OSBPL6: variants seen among roughly 807,000 people sequenced by gnomAD.
The protein encoded by OSBPL6 is oxysterol-binding protein-related protein 6.
A neutral mutation model predicts 125.8 loss-of-function variants in OSBPL6; 49 were observed. The ratio of observed to expected loss-of-function variants is 0.39; its 90% CI spans 0.31 to 0.49. The LOEUF is 0.49. OSBPL6 is among the 20% of genes least tolerant of loss of function. The probability of loss-of-function intolerance (pLI) is 0.88; values close to 1 mark genes in which losing one functional copy is unlikely to be tolerated. For synonymous variants in OSBPL6, 394 were observed against 391.8 expected, an observed-to-expected ratio of 1.01 and a Z score of -0.07; for missense variants, 986 against 1,135.4, an observed-to-expected ratio of 0.87 and a Z score of 1.89.
intron 1 of OSBPL6, among the ~76,000 whole-genome samples, chr2:178,203,749 T>C (rs948134784): frequency 2.6e-5 from 4 of 152,228 alleles, no homozygotes; most frequent in Non-Finnish European, 5.9e-5. Context: ...CTCTTTAAGG[T>C]CTTGGCTTTA....
intron 1 of OSBPL6, among the ~76,000 whole-genome samples, chr2:178,281,274 A>G (rs779360401): frequency 2.0e-4 from 30 of 152,048 alleles, no homozygotes; most frequent in Non-Finnish European, 2.4e-4. Context: ...CGGCCTCCCA[A>G]AGTGCTGGGA....
chr2:178,373,811 A>G, intron 14 of OSBPL6, 79 bp from the exon 15 acceptor site: 2 of 1,544,230 alleles, frequency 1.3e-6, no homozygotes, highest in Non-Finnish European at 1.8e-6. Context: ...ATTAAAGAGT[A>G]GAAATCTGGC....
At chr2:178,280,225 A>T (rs966856048) in intron 1 of OSBPL6, among the ~76,000 whole-genome samples, 1 of 152,178 alleles carries the variant, frequency 6.6e-6, no homozygotes. Context: ...AAAATTAAAT[A>T]AAATGAGGTT....
intron 3 of OSBPL6, among the ~76,000 whole-genome samples, chr2:178,309,186 AC>A (rs904789672): frequency 1.3e-5 from 2 of 151,906 alleles, no homozygotes; most frequent in African/African-American, 4.8e-5. Context: ...GGCCACGCAA[AC>A]CCACTTTACC....
At chr2:178,338,011 T>G (rs991703841) in intron 9 of OSBPL6, among the ~76,000 whole-genome samples, 3 of 148,680 alleles carry the variant, frequency 2.0e-5, no homozygotes, top group African/African-American at 7.4e-5. Flanking sequence ...GTGCTATCTC[T>G]GCTCACTGCA....
intron 1 of OSBPL6, among the ~76,000 whole-genome samples, chr2:178,198,668 G>A (rs55919122): frequency 0.038 from 4,551 of 120,004 alleles, 97 homozygotes; most frequent in South Asian, 0.11. Flanking sequence ...GAGAACTGCG[G>A]CACAAAGAGG....
chr2:178,305,294 C>A (rs1192471652), intron 2 of OSBPL6, among the ~76,000 whole-genome samples: 1 of 152,094 alleles, frequency 6.6e-6, no homozygotes, highest in Non-Finnish European at 1.5e-5. Context: ...GAGACAAGGC[C>A]AATTTAAGAG....
chr2:178,296,253 T>A (rs2154051235), intron 2 of OSBPL6, among the ~76,000 whole-genome samples: 1 of 152,278 alleles, frequency 6.6e-6, no homozygotes, highest in African/African-American at 2.4e-5. Context: ...AATGGTACCC[T>A]TGAGAACCTA....
chr2:178,333,164 C>T (rs1206094620), intron 8 of OSBPL6, 123 bp downstream of exon 8: 1 of 1,034,396 alleles, frequency 9.7e-7, no homozygotes, highest in Admixed American at 2.6e-5. Flanking sequence ...GGGTGGATCG[C>T]CTGACAGCCA....
chr2:178,238,992 G>A (rs1401758276), intron 1 of OSBPL6, among the ~76,000 whole-genome samples: 2 of 152,138 alleles, frequency 1.3e-5, no homozygotes, highest in Non-Finnish European at 2.9e-5. Flanking sequence ...CCAGGCTTAT[G>A]TGTCCTTTTG....
In OSBPL6 at chr2:178,200,247, C is replaced by T. The variant is rs77616736; in HGVS notation, c.-351+5573C>T. Among the ~76,000 whole-genome samples, 414 of 109,724 alleles carry T rather than the reference C, an allele frequency of 3.8e-3. 2 individuals carry two copies. Among genetic ancestry groups the T allele is most frequent in the South Asian group, 0.016 (49 of 3,026 alleles). 72.0% of individuals were successfully genotyped at this position (109,724 alleles called of 152,430 possible). ...CAAGCAAGGTTCTGTTTCTTCAGAC[C>T]TTTTTTTTTTTTTTTTTTTTTTGAG... On this transcript the variant is annotated intron_variant, in intron 1 of 24. Transcript: ENST00000190611.
chr2:178,343,300 T>A (rs1163415390), intron 11 of OSBPL6, among the ~76,000 whole-genome samples: 1 of 150,534 alleles, frequency 6.6e-6, no homozygotes, highest in African/African-American at 2.4e-5. Context: ...GGTGGGAGGG[T>A]CGCTTGAGGC....
At chr2:178,288,386 TC>T (rs765794863) in intron 2 of OSBPL6, among the ~76,000 whole-genome samples, 66 of 152,274 alleles carry the variant, frequency 4.3e-4, no homozygotes, top group Non-Finnish European at 6.9e-4. Context: ...AGATTCTTTG[TC>T]CAGAGAGAAG....
At chr2:178,287,547 G>A (rs1684822290) in intron 2 of OSBPL6, among the ~76,000 whole-genome samples, 1 of 152,134 alleles carries the variant, frequency 6.6e-6, no homozygotes, top group Non-Finnish European at 1.5e-5. Context: ...TGGAAATAAA[G>A]TACCTGAAAA....
At chr2:178,232,764 CT>C (rs951864301) in intron 1 of OSBPL6, among the ~76,000 whole-genome samples, 3 of 151,738 alleles carry the variant, frequency 2.0e-5, no homozygotes, top group African/African-American at 7.3e-5. Context: ...CAGCCCAGTA[CT>C]TTATTCTGGT....
In OSBPL6 at chr2:178,336,519, C is replaced by A. The variant is rs372936036; in HGVS notation, c.790+86C>A. The A allele has an allele frequency of 1.3e-5, 19 of 1,461,510 alleles. No individual in the cohort carries two copies. The South Asian group carries it at 1.8e-4, about 14-fold the overall frequency. 90.5% of individuals were successfully genotyped at this position (1,461,510 alleles called of 1,614,324 possible). On this transcript the variant is annotated intron_variant, in intron 9 of 24. Transcript: ENST00000190611. ...AAGAGGTCAATTATGAGTGCTACATCTTTTACCCTGATTGCCTTGATCGTC... is the reference window on the plus strand; with the variant it reads ...AAGAGGTCAATTATGAGTGCTACATATTTTACCCTGATTGCCTTGATCGTC...
chr2:178,257,722 G>C (rs113317961), intron 1 of OSBPL6, among the ~76,000 whole-genome samples: 72 of 152,132 alleles, frequency 4.7e-4, no homozygotes, highest in African/African-American at 1.7e-3. Flanking sequence ...GAAAGGTTGT[G>C]ACTTTCTCAG....
chr2:178,363,952 G>C (rs1488586941), intron 13 of OSBPL6, among the ~76,000 whole-genome samples: 1 of 152,188 alleles, frequency 6.6e-6, no homozygotes, highest in African/African-American at 2.4e-5. Flanking sequence ...TCACATCCCC[G>C]TGTGTGTCCA....
At chr2:178,194,241 C>A (rs150883299), upstream of OSBPL6, among the ~76,000 whole-genome samples, 851 of 152,290 alleles carry the variant, frequency 5.6e-3, 8 homozygotes, top group African/African-American at 0.019. Flanking sequence ...GAGGCCGGGC[C>A]AGGGGAGAGC....
Sources: allele counts gnomAD v4.1 joint callset (sites outside exome capture counted in the v4.1 genomes callset), GRCh38; gene constraint gnomAD v4.1.1; transcripts MANE v1.5; gene names NCBI Gene and HGNC (gene_info 2026-07-23, HGNC 2026-07-21).